The following JAM3 variants were observed in gnomAD, a reference collection of about 807,000 sequenced individuals.
JAM3 encodes the protein junctional adhesion molecule C.
JAM3 carries 31 observed loss-of-function variants against 39.4 expected under a neutral mutation model. The observed-to-expected ratio is 0.79, with a 90% CI of 0.59 to 1.06. The LOEUF is 1.06. JAM3 is among the 50% of genes least tolerant of loss of function. The probability of loss-of-function intolerance (pLI) is 0.00; values close to 1 mark genes in which losing one functional copy is unlikely to be tolerated. For missense variants in JAM3, 455 were observed against 391.4 expected, an observed-to-expected ratio of 1.16 and a Z score of -1.37; for synonymous variants, 182 against 148.7, an observed-to-expected ratio of 1.22 and a Z score of -1.63.
intron 1 of JAM3, among the ~76,000 whole-genome samples, chr11:134,111,375 C>T (rs191344149): frequency 3.3e-5 from 5 of 152,078 alleles, no homozygotes; most frequent in Admixed American, 1.3e-4. Context: ...ATCTCCTGAC[C>T]TCGTGTTCCG....
chr11:134,073,063 T>C (rs2120560635), intron 1 of JAM3, among the ~76,000 whole-genome samples: 1 of 152,334 alleles, frequency 6.6e-6, no homozygotes, highest in East Asian at 1.9e-4. Flanking sequence ...AAAGAAAGTT[T>C]TGGTAAGCAC....
intron 1 of JAM3, among the ~76,000 whole-genome samples, chr11:134,125,024 G>C (rs916020994): frequency 6.6e-6 from 1 of 152,206 alleles, no homozygotes; most frequent in African/African-American, 2.4e-5. Flanking sequence ...ACACCCGCCC[G>C]GTGGCGGCGG....
chr11:134,077,589 C>G (rs1170780022), intron 1 of JAM3, among the ~76,000 whole-genome samples: 1 of 149,568 alleles, frequency 6.7e-6, no homozygotes. Context: ...GTCTCGAACT[C>G]TGGACCTCAG....
At chr11:134,078,632 A>G (rs886997883) in intron 1 of JAM3, among the ~76,000 whole-genome samples, 1 of 152,238 alleles carries the variant, frequency 6.6e-6, no homozygotes, top group African/African-American at 2.4e-5. Flanking sequence ...CACTTGTGAA[A>G]ACAGGAATTG....
At position 134,110,958 on chromosome 11, in the gene JAM3, A is replaced by T. The variant is rs1262924366; in HGVS notation, c.77-28893A>T. 3.9e-5 allele frequency among the ~76,000 whole-genome samples: 6 copies of T among 151,996 alleles called. No homozygotes were observed. The East Asian group carries it at 1.2e-3, about 29-fold the overall frequency. On this transcript the variant is annotated intron_variant, in intron 1 of 8. Transcript: ENST00000299106. The stretch of plus-strand genomic sequence containing the variant: ...AAAGGATACACTAGCTCTGTACCAA[A>T]TCCCTGACTCCCAAAACTGGACATA...
intron 1 of JAM3, among the ~76,000 whole-genome samples, chr11:134,104,410 G>A (rs1942140806): frequency 6.6e-6 from 1 of 152,198 alleles, no homozygotes; most frequent in Admixed American, 6.5e-5. Context: ...AAGCAGGAAA[G>A]ATCTAAAATT....
At chr11:134,105,474 T>C (rs910965225) in intron 1 of JAM3, among the ~76,000 whole-genome samples, 13 of 152,132 alleles carry the variant, frequency 8.5e-5, no homozygotes, top group African/African-American at 3.1e-4. Flanking sequence ...CCACTCCTAT[T>C]CAACATAGTG....
intron 3 of JAM3, among the ~76,000 whole-genome samples, 183 bp downstream of exon 3, chr11:134,140,953 A>G (rs1447142808): frequency 2.0e-5 from 3 of 151,858 alleles, no homozygotes; most frequent in East Asian, 3.9e-4. Context: ...TGCAAATGGT[A>G]TATCAAGCCT....
intron 6 of JAM3, among the ~76,000 whole-genome samples, chr11:134,146,594 G>A (rs1040161216): frequency 6.6e-5 from 10 of 152,010 alleles, no homozygotes; most frequent in African/African-American, 2.4e-4. Flanking sequence ...ACACCACAGG[G>A]TCTTGCTTTG....
chr11:134,074,987 C>CTTTT (rs57613157), intron 1 of JAM3, among the ~76,000 whole-genome samples: 1 of 124,486 alleles, frequency 8.0e-6, no homozygotes, highest in Non-Finnish European at 1.7e-5. Flanking sequence ...AAGACAGCTG[C>CTTTT]TTTTTTTTTT....
chr11:134,123,275 G>A (rs573235659), intron 1 of JAM3, among the ~76,000 whole-genome samples: 4 of 152,262 alleles, frequency 2.6e-5, no homozygotes, highest in African/African-American at 7.2e-5. Flanking sequence ...CAGACTGCAC[G>A]TACATCTACG....
chr11:134,072,494 G>A (rs1300080676), intron 1 of JAM3, among the ~76,000 whole-genome samples: 1 of 152,124 alleles, frequency 6.6e-6, no homozygotes, highest in Non-Finnish European at 1.5e-5. Context: ...GTTTTTAGTA[G>A]ACATGGGGTT....
At chr11:134,089,006 A>C (rs1039080724) in intron 1 of JAM3, among the ~76,000 whole-genome samples, 1 of 152,196 alleles carries the variant, frequency 6.6e-6, no homozygotes, top group African/African-American at 2.4e-5. Context: ...TCAGTTCACC[A>C]TTATAAGCCA....
chr11:134,098,587 A>G (rs1362637848), intron 1 of JAM3, among the ~76,000 whole-genome samples: 3 of 152,170 alleles, frequency 2.0e-5, no homozygotes, highest in African/African-American at 4.8e-5. Context: ...TCTTCCTTAT[A>G]TGTTCGCCTT....
chr11:134,145,261 A>G lies in JAM3; in HGVS notation c.612+267A>G, dbSNP rs911355160. On this transcript the variant is annotated intron_variant, in intron 5 of 8. Transcript: ENST00000299106. ...CAAATGTTACTAGGGCCCTGATCGG[A>G]TAATCAACTGTAAAAGTCATTAGAC... 11 of 535,088 alleles carry G rather than the reference A, an allele frequency of 2.1e-5. No individual in the cohort carries two copies. The Admixed American group carries it at 3.1e-4, about 15-fold the overall frequency. The allele number at this position is 535,088 out of a possible 1,614,324, so 33.1% of individuals were successfully genotyped here.
chr11:134,076,841 T>A (rs998167329), intron 1 of JAM3, among the ~76,000 whole-genome samples: 1 of 146,816 alleles, frequency 6.8e-6, no homozygotes, highest in African/African-American at 2.6e-5. Context: ...TGCTTTTTTT[T>A]TTTTTTTTTT....
intron 1 of JAM3, among the ~76,000 whole-genome samples, chr11:134,103,430 G>A (rs1290665492): frequency 6.6e-6 from 1 of 152,142 alleles, no homozygotes; most frequent in Non-Finnish European, 1.5e-5. Flanking sequence ...AAAGACCATC[G>A]ATGCTAGGAA....
chr11:134,144,672 A>T lies in JAM3; in HGVS notation c.410-120A>T, dbSNP rs1390644326. On this transcript the variant is annotated intron_variant, in intron 4 of 8. Coordinates refer to ENST00000299106, the MANE Select transcript of JAM3 (RefSeq NM_032801.5). ...AGTCTGCAGTTGTGATCCTGGGAAC[A>T]GCAGTGGCGTGGGAACCCCTCGACT... The T allele has an allele frequency of 3.2e-6, 3 of 946,804 alleles. No individual in the cohort carries two copies. The African/African-American group carries it at 4.8e-5, about 15-fold the overall frequency. 58.7% of individuals were successfully genotyped at this position (946,804 alleles called of 1,614,324 possible).
chr11:134,085,924 C>T (rs1428668065), intron 1 of JAM3, among the ~76,000 whole-genome samples: 1 of 152,134 alleles, frequency 6.6e-6, no homozygotes, highest in Non-Finnish European at 1.5e-5. Context: ...AACGTATTAT[C>T]GCCTTAACAG....
Sources: allele counts gnomAD v4.1 joint callset (sites outside exome capture counted in the v4.1 genomes callset), GRCh38; gene constraint gnomAD v4.1.1; transcripts MANE v1.5; gene names NCBI Gene and HGNC (gene_info 2026-07-23, HGNC 2026-07-21).